The following GK5 variants were observed in gnomAD, a reference collection of about 807,000 sequenced individuals.
The protein encoded by GK5 is ATP:glycerol 3-phosphotransferase 5.
A neutral mutation model predicts 77.3 loss-of-function variants in GK5; 39 were observed. That is an observed-to-expected ratio of 0.50 (90% confidence interval 0.39 to 0.66). The LOEUF is 0.66. Ranked by LOEUF, GK5 falls within the 30% of genes least tolerant of loss-of-function variation. The pLI is 0.00. For synonymous variants in GK5, 211 were observed against 208.0 expected, an observed-to-expected ratio of 1.01 and a Z score of -0.13; for missense variants, 487 against 633.8, an observed-to-expected ratio of 0.77 and a Z score of 2.49.
chr3:142,224,216 G>A (rs1349014283), intron 1 of GK5, among the ~76,000 whole-genome samples: 1 of 152,092 alleles, frequency 6.6e-6, no homozygotes, highest in African/African-American at 2.4e-5. Flanking sequence ...GACCAGCCTG[G>A]GCAACATGGC....
At chr3:142,175,062 A>G (rs761884241) in intron 12 of GK5, among the ~76,000 whole-genome samples, 1 of 152,218 alleles carries the variant, frequency 6.6e-6, no homozygotes, top group Non-Finnish European at 1.5e-5. Flanking sequence ...CAAAGACGCT[A>G]AGAACTGCTG....
intron 9 of GK5, among the ~76,000 whole-genome samples, chr3:142,184,260 C>CAAAAAAAAAA (rs1161704184): frequency 1.4e-3 from 15 of 10,656 alleles, no homozygotes; most frequent in South Asian, 4.3e-3. Context: ...GACTCTGTCT[C>CAAAAAAAAAA]AAAAAAAAAA....
chr3:142,174,164 C>T (rs2063578108), intron 12 of GK5, among the ~76,000 whole-genome samples: 1 of 152,182 alleles, frequency 6.6e-6, no homozygotes, highest in Non-Finnish European at 1.5e-5. Flanking sequence ...CCCAGTGTGT[C>T]TCTTGTGCCT....
intron 1 of GK5, among the ~76,000 whole-genome samples, chr3:142,218,275 G>A (rs900600075): frequency 2.7e-5 from 4 of 150,284 alleles, no homozygotes; most frequent in African/African-American, 9.8e-5. Flanking sequence ...GCTCACGCCT[G>A]TAATCCCAGC....
At chr3:142,178,951 A>C (rs1577112896) in intron 11 of GK5, among the ~76,000 whole-genome samples, 1 of 152,128 alleles carries the variant, frequency 6.6e-6, no homozygotes, top group Non-Finnish European at 1.5e-5. Flanking sequence ...TATGTTTTTC[A>C]ATTTAGCTAT....
rs137909394 is a variant in GK5 at position 142,163,403 on chromosome 3, TA to T, written c.*2218del. On this transcript the variant is annotated 3_prime_UTR_variant, in exon 16 of 16. Transcript: ENST00000392993. ...AATTCTCCTGCCTCAGCCTCCCGAG[TA>T]GCTGGGATTACAGGCTTGCACCACC... 12,329 of 151,732 alleles carry T rather than the reference TA, an allele frequency of 0.081. 635 individuals carry two copies. The highest frequency in any genetic ancestry group is 0.12 in the Non-Finnish European group (8,427 of 68,034). The allele number at this position is 151,732 out of a possible 1,614,324, so 9.4% of individuals were successfully genotyped here.
intron 3 of GK5, among the ~76,000 whole-genome samples, chr3:142,211,353 T>A (rs2107795523): frequency 6.6e-6 from 1 of 152,352 alleles, no homozygotes; most frequent in South Asian, 2.1e-4. Flanking sequence ...GTAAGTTTAA[T>A]TCATTCACCC....
Position 142,162,995 on chromosome 3 carries a change from C to CAAAAA in GK5, c.*2622_*2626dup, listed in dbSNP as rs58034877. The CAAAAA allele has an allele frequency of 4.3e-5, 4 of 93,784 alleles. No homozygotes were observed. Among genetic ancestry groups the CAAAAA allele is most frequent in the African/African-American group, 3.7e-5 (1 of 26,992 alleles). 5.8% of individuals were successfully genotyped at this position (93,784 alleles called of 1,614,324 possible). ...TGGGCAACAGAGCATGACAATGTCT[C>CAAAAA]AAAAAAAAAAAAAAAAAAGAAAGGA... On this transcript the variant is annotated 3_prime_UTR_variant, in exon 16 of 16. Transcript: ENST00000392993.
intron 12 of GK5, among the ~76,000 whole-genome samples, chr3:142,173,611 G>A (rs975230578): frequency 4.6e-5 from 7 of 152,184 alleles, no homozygotes; most frequent in Non-Finnish European, 1.0e-4. Flanking sequence ...GTGAACCCGG[G>A]AGGCGGAGCT....
intron 5 of GK5, among the ~76,000 whole-genome samples, chr3:142,193,156 A>G (rs916524940): frequency 5.3e-5 from 8 of 152,200 alleles, no homozygotes; most frequent in African/African-American, 1.9e-4. Context: ...GTAATACAAG[A>G]TGCTAATAAC....
chr3:142,196,041 T>G (rs1204046928), intron 5 of GK5, among the ~76,000 whole-genome samples: 1 of 152,226 alleles, frequency 6.6e-6, no homozygotes, highest in Non-Finnish European at 1.5e-5. Context: ...TTATTTCTCC[T>G]CGAGTTATTT....
At chr3:142,193,568 T>C (rs1029196140) in intron 5 of GK5, among the ~76,000 whole-genome samples, 3 of 152,132 alleles carry the variant, frequency 2.0e-5, no homozygotes, top group Non-Finnish European at 4.4e-5. Flanking sequence ...TACTATAATC[T>C]TAACAGTATT....
rs771822936 is a variant in GK5 at position 142,170,340 on chromosome 3, C to T, written c.1426G>A (p.Ala476Thr). The stretch of plus-strand genomic sequence containing the variant: ...TCACACATACCAACAGCAAGGCCAG[C>T]TAGAGAAGCTGCACCCAGGCATGAC... ...DMSCLGAASL[A>T]GLAVGFWTDK... The change falls in exon 15 of 16, where the codon GCT (alanine) becomes ACT (threonine). Residue 476 changes from alanine to threonine, a missense_variant. Transcript: ENST00000392993. 2.5e-6 allele frequency: 4 copies of T among 1,613,968 alleles called. No individual in the cohort carries two copies. Among genetic ancestry groups the T allele is most frequent in the Non-Finnish European group, 3.4e-6 (4 of 1,180,032 alleles).
In GK5 at chr3:142,225,456, C is replaced by T. The variant is rs2064415644; in HGVS notation, c.-1G>A. On this transcript the variant is annotated 5_prime_UTR_variant, in exon 1 of 16. Transcript: ENST00000392993. ...CCGGGTCCGTGAGCAGCCCCGACAT[C>T]CCGATCCCGCACGCCTCTCCGCTAC... 3.1e-6 allele frequency: 5 copies of T among 1,602,018 alleles called. No homozygotes were observed. Among genetic ancestry groups the T allele is most frequent in the South Asian group, 2.2e-5 (2 of 89,742 alleles).
In GK5 at chr3:142,225,577, G is replaced by GGCTCT; in HGVS notation, c.-123_-122insAGAGC. ...CAACCCGGCTCAGCCGGAGAGCCTA[G>GGCTCT]AGAGGCCTGGCCCCTGCCGCCGGCT... On this transcript the variant is annotated 5_prime_UTR_variant, in exon 1 of 16. Transcript: ENST00000392993. 1 of 1,280,320 alleles carries GGCTCT rather than the reference G, an allele frequency of 7.8e-7. No homozygotes were observed. The highest frequency in any genetic ancestry group is 1.0e-6 in the Non-Finnish European group (1 of 961,574). The allele number at this position is 1,280,320 out of a possible 1,614,324, so 79.3% of individuals were successfully genotyped here.
intron 9 of GK5, 158 bp downstream of exon 9, chr3:142,185,771 T>A: frequency 6.4e-7 from 1 of 1,560,238 alleles, no homozygotes; most frequent in East Asian, 2.3e-5. Context: ...GCAGATATTC[T>A]GGTCATATCC....
rs1240372510 is a variant in GK5, at chr3:142,164,680, G to A, written c.*942C>T. The A allele has an allele frequency of 1.3e-5, 2 of 152,058 alleles. No homozygotes were observed. Among genetic ancestry groups the A allele is most frequent in the Non-Finnish European group, 2.9e-5 (2 of 68,010 alleles). 9.4% of individuals were successfully genotyped at this position (152,058 alleles called of 1,614,324 possible). ...GGAACAAATAAAATACCCCAATAAA[G>A]GCAATTCTTAAGTGGTCAATAAATT... On this transcript the variant is annotated 3_prime_UTR_variant, in exon 16 of 16. Coordinates refer to ENST00000392993, the MANE Select transcript of GK5 (RefSeq NM_001039547.3).
chr3:142,181,430 G>C (rs1339961460), intron 11 of GK5, 31 bp downstream of exon 11: 1 of 1,343,326 alleles, frequency 7.4e-7, no homozygotes, highest in Non-Finnish European at 1.1e-6. Context: ...TTTAGGTCTG[G>C]CTTGTGAAAT....
intron 3 of GK5, among the ~76,000 whole-genome samples, chr3:142,208,697 A>G (rs2064146030): frequency 6.6e-6 from 1 of 152,240 alleles, no homozygotes; most frequent in African/African-American, 2.4e-5. Context: ...CACTGGTTTC[A>G]GCAAAAATTT....
Sources: allele counts gnomAD v4.1 joint callset (sites outside exome capture counted in the v4.1 genomes callset), GRCh38; gene constraint gnomAD v4.1.1; transcripts MANE v1.5; gene names NCBI Gene and HGNC (gene_info 2026-07-23, HGNC 2026-07-21).